Variants in NUDT5 observed in about 807,000 individuals in gnomAD.
The protein encoded by NUDT5 is ADP-sugar pyrophosphatase.
NUDT5 carries 21 observed loss-of-function variants against 34.1 expected under a neutral mutation model. That is an observed-to-expected ratio of 0.62 (90% CI 0.44 to 0.89). The LOEUF (loss-of-function observed/expected upper bound fraction) is 0.89. Ranked by LOEUF, NUDT5 falls within the 40% of genes least tolerant of loss-of-function variation. The probability of loss-of-function intolerance (pLI) is 0.00; values close to 1 mark genes in which losing one functional copy is unlikely to be tolerated. For missense variants in NUDT5, 249 were observed against 274.8 expected (o/e 0.91, Z 0.66); for synonymous variants, 85 against 97.6 (o/e 0.87, Z 0.76).
chr10:12,179,531 G>C (rs566103516), intron 3 of NUDT5, among the ~76,000 whole-genome samples: 145 of 152,266 alleles, frequency 9.5e-4, no homozygotes, highest in African/African-American at 3.5e-3. Flanking sequence ...AGGAACAAAA[G>C]CTACTATGGA....
At chr10:12,188,211 T>G (rs1393679355) in intron 1 of NUDT5, among the ~76,000 whole-genome samples, 1 of 152,172 alleles carries the variant, frequency 6.6e-6, no homozygotes, top group Non-Finnish European at 1.5e-5. Context: ...AAGGAAAAAG[T>G]GAGTCTGCTC....
In NUDT5 at chr10:12,173,734, A is replaced by G; in HGVS notation, c.369T>C (p.Ile123=). 1.2e-6 allele frequency: 2 copies of G among 1,613,744 alleles called. No individual in the cohort carries two copies. Among genetic ancestry groups the G allele is most frequent in the Non-Finnish European group, 1.7e-6 (2 of 1,179,650 alleles). The stretch of plus-strand genomic sequence containing the variant: ...AATACCAACCTGGAGAACATTCGGC[A>G]ATGTCCCCTTTGTAGCCAGTTTCTT... ...LEEETGYKGD[I]AECSPAVCMD... The change falls in exon 6 of 10, where the codon ATT becomes ATC. Residue 123 remains isoleucine, a synonymous_variant. Transcript: ENST00000491614. The surrounding 1 kb of genome is among the most constrained non-coding windows in gnomAD (Gnocchi z 4.7).
intron 3 of NUDT5, among the ~76,000 whole-genome samples, chr10:12,179,633 A>C (rs923019110): frequency 1.2e-4 from 17 of 138,842 alleles, no homozygotes; most frequent in African/African-American, 4.4e-4. Flanking sequence ...CTTCCCATTT[A>C]TTAATGGAAG....
Position 12,169,495 on chromosome 10 carries a change from G to A in NUDT5, c.550+1222C>T. The A allele has an allele frequency of 1.8e-6, 1 of 551,004 alleles. No individual in the cohort carries two copies. Among genetic ancestry groups the A allele is most frequent in the South Asian group, 2.5e-5 (1 of 39,374 alleles). The allele number at this position is 551,004 out of a possible 1,614,324, so 34.1% of individuals were successfully genotyped here. On this transcript the variant is annotated intron_variant, in intron 9 of 9. Coordinates refer to ENST00000491614, the MANE Select transcript of NUDT5 (RefSeq NM_014142.4). This position sits in a 1 kb window ranked among gnomAD's most constrained non-coding sequence, Gnocchi z 4.8. ...TATGGTCCGCGGAGCCTCAAACCGA[G>A]TCGGGCCTGTGACTCCGAGCTGCGC...
At chr10:12,177,770 C>CA (rs761033822) in intron 5 of NUDT5, 23 bp downstream of exon 5, 1 of 1,543,148 alleles carries the variant, frequency 6.5e-7, no homozygotes, top group South Asian at 1.1e-5. Flanking sequence ...CCCTAAGAAG[C>CA]AATTCGATGT....
chr10:12,168,904 C>T lies in NUDT5; in HGVS notation c.551-1093G>A, dbSNP rs902058360. Among the ~76,000 whole-genome samples, 2 of 152,012 alleles carry T rather than the reference C, an allele frequency of 1.3e-5. No homozygotes were observed. Among genetic ancestry groups the T allele is most frequent in the East Asian group, 1.9e-4 (1 of 5,178 alleles). ...CAGCCTCCTGAGTAGCTGGGACTAC[C>T]GGCATGTACCACCATGCCTGGCTAA... On this transcript the variant is annotated intron_variant, in intron 9 of 9. Transcript: ENST00000491614. The surrounding 1 kb of genome is among the most constrained non-coding windows in gnomAD (Gnocchi z 4.8).
intron 2 of NUDT5, 40 bp from the exon 3 acceptor site, chr10:12,184,996 C>G (rs1333354348): frequency 9.1e-7 from 1 of 1,099,744 alleles, no homozygotes; most frequent in South Asian, 1.4e-5. Context: ...AACTTTCAAA[C>G]CAAGTTGTTT....
In NUDT5 at chr10:12,171,735, A is replaced by ATTTATTTT. The variant is rs1834860991; in HGVS notation, c.488-828_488-827insAAAATAAA. 8.4e-6 allele frequency among the ~76,000 whole-genome samples: 1 copy of ATTTATTTT among 118,834 alleles called. No individual in the cohort carries two copies. Among genetic ancestry groups the ATTTATTTT allele is most frequent in the Non-Finnish European group, 1.9e-5 (1 of 52,852 alleles). 78.0% of individuals were successfully genotyped at this position (118,834 alleles called of 152,430 possible). A position where few individuals can be genotyped will look rare whatever the true frequency, so the allele number is the denominator to read the frequency against. On this transcript the variant is annotated intron_variant, in intron 7 of 9. Transcript: ENST00000491614. The surrounding 1 kb of genome is among the most constrained non-coding windows in gnomAD (Gnocchi z 4.2). ...TATTTATTTATTTATTTATTTATTT[A>ATTTATTTT]TTTTTTGGAGACAGGGTCTCAGTCT...
rs1387398682 is a variant in NUDT5, at chr10:12,173,935, CG to C, written c.290-123del. 3 of 699,180 alleles carry C rather than the reference CG, an allele frequency of 4.3e-6. No individual in the cohort carries two copies. Among genetic ancestry groups the C allele is most frequent in the Non-Finnish European group, 7.6e-6 (3 of 392,554 alleles). The allele number at this position is 699,180 out of a possible 1,614,324, so 43.3% of individuals were successfully genotyped here. A position where few individuals can be genotyped will look rare whatever the true frequency, so the allele number is the denominator to read the frequency against. ...AGGCTGGAGTGCAGTGGTGCGATCT[CG>C]GCCCACTGCAACCTCCGCCCGTCCA... On this transcript the variant is annotated intron_variant, in intron 5 of 9. Transcript: ENST00000491614. This position sits in a 1 kb window ranked among gnomAD's most constrained non-coding sequence, Gnocchi z 4.7.
chr10:12,170,724 T>C lies in NUDT5; in HGVS notation c.543A>G (p.Arg181=), dbSNP rs1194569334. 6.2e-7 allele frequency: 1 copy of C among 1,613,666 alleles called. No homozygotes were observed. The change falls in exon 9 of 10, where the codon AGA becomes AGG. Residue 181 remains arginine, a synonymous_variant. Transcript: ENST00000491614. This position sits in a 1 kb window ranked among gnomAD's most constrained non-coding sequence, Gnocchi z 4.9. ...GGTCTGGAGAATGCTTACCATCAAG[T>C]CTCTGCAGCAGGTCATTCTTGGGTA... The part of the protein sequence containing the change: ...ISLPKNDLLQ[R]LDALVAEEHL...
intron 7 of NUDT5, 60 bp downstream of exon 7, chr10:12,172,705 G>T: frequency 8.9e-7 from 1 of 1,120,200 alleles, no homozygotes. Flanking sequence ...CAAACTAGCA[G>T]CAAGTTCCAA....
chr10:12,193,703 A>G (rs1835275908), intron 1 of NUDT5, among the ~76,000 whole-genome samples: 1 of 152,252 alleles, frequency 6.6e-6, no homozygotes, highest in South Asian at 2.1e-4. Flanking sequence ...CTGTAATACC[A>G]AAAAGTCATT....
chr10:12,182,249 G>C lies in NUDT5; in HGVS notation c.131+2640C>G, dbSNP rs1835054809. ...TGTTCTGACTGCAGCCTGTCACACA[G>C]AGTCAGGTGTGGAATTCTCCAGCTG... On this transcript the variant is annotated intron_variant, in intron 3 of 9. Transcript: ENST00000491614. The surrounding 1 kb of genome is among the most constrained non-coding windows in gnomAD (Gnocchi z 4.3). 6.6e-6 allele frequency among the ~76,000 whole-genome samples: 1 copy of C among 151,934 alleles called. No individual in the cohort carries two copies. Among genetic ancestry groups the C allele is most frequent in the South Asian group, 2.1e-4 (1 of 4,822 alleles).
rs745714717 is a variant in NUDT5, at chr10:12,179,149, GAA to G, written c.132-19_132-18del. 6.2e-7 allele frequency: 1 copy of G among 1,603,418 alleles called. No individual in the cohort carries two copies. Among genetic ancestry groups the G allele is most frequent in the East Asian group, 2.2e-5 (1 of 44,792 alleles). On this transcript the variant is annotated intron_variant, in intron 3 of 9. Coordinates refer to ENST00000491614, the MANE Select transcript of NUDT5 (RefSeq NM_014142.4). The stretch of plus-strand genomic sequence containing the variant: ...TCCCAAGTTCTGTTCAGGCAGAGAA[GAA>G]AAAAAAGTCATTAGTGCTACAGAAG...
Position 12,173,618 on chromosome 10 carries a change from T to C in NUDT5, c.385+100A>G, listed in dbSNP as rs569910080. 3.1e-6 allele frequency: 3 copies of C among 954,540 alleles called. No individual in the cohort carries two copies. The Admixed American group carries it at 5.2e-5, about 16-fold the overall frequency. 59.1% of individuals were successfully genotyped at this position (954,540 alleles called of 1,614,324 possible). ...GTGACCAGTCCTAATCTGTGATTTCTTTCTCTTCAGTGAATTCTGAGCGTA... is the reference window on the plus strand; with the variant it reads ...GTGACCAGTCCTAATCTGTGATTTCCTTCTCTTCAGTGAATTCTGAGCGTA... On this transcript the variant is annotated intron_variant, in intron 6 of 9. Coordinates refer to ENST00000491614, the MANE Select transcript of NUDT5 (RefSeq NM_014142.4). This position sits in a 1 kb window ranked among gnomAD's most constrained non-coding sequence, Gnocchi z 4.7.
chr10:12,180,915 C>T (rs769569790), intron 3 of NUDT5, among the ~76,000 whole-genome samples: 13 of 152,192 alleles, frequency 8.5e-5, no homozygotes, highest in African/African-American at 3.1e-4. Flanking sequence ...AGGGTGACTT[C>T]GGCACTGTCT....
intron 1 of NUDT5, among the ~76,000 whole-genome samples, chr10:12,193,481 G>C (rs1835270709): frequency 6.6e-6 from 1 of 152,172 alleles, no homozygotes; most frequent in African/African-American, 2.4e-5. Context: ...TCAGCATGCA[G>C]GAGAAAAAGC....
At chr10:12,193,414 T>C (rs1835269411) in intron 1 of NUDT5, among the ~76,000 whole-genome samples, 1 of 152,190 alleles carries the variant, frequency 6.6e-6, no homozygotes, top group Non-Finnish European at 1.5e-5. Flanking sequence ...TTTTCATTAC[T>C]TCATTAGGAA....
intron 4 of NUDT5, 70 bp downstream of exon 4, chr10:12,179,013 T>C (rs761062413): frequency 2.0e-5 from 26 of 1,307,492 alleles, no homozygotes; most frequent in African/African-American, 1.6e-4. Flanking sequence ...CTTGGTTCCA[T>C]TGAAAACCCT....
Sources: allele counts gnomAD v4.1 joint callset (sites outside exome capture counted in the v4.1 genomes callset), GRCh38; gene constraint gnomAD v4.1.1; non-coding constraint Gnocchi (gnomAD v3.1); transcripts MANE v1.5; gene names NCBI Gene and HGNC (gene_info 2026-07-23, HGNC 2026-07-21).